JAK2: variants seen among roughly 807,000 people sequenced by gnomAD.
JAK2 encodes the protein Janus kinase 2, also known as tyrosine-protein kinase JAK2.
Under a neutral mutation model 139.3 loss-of-function variants are expected in JAK2, and 86 were observed. The ratio of observed to expected loss-of-function variants is 0.62; its 90% CI spans 0.52 to 0.74. The LOEUF (loss-of-function observed/expected upper bound fraction) is 0.74, where lower values mean the gene tolerates loss of function less well. Among genes scored for constraint, JAK2 ranks in the 30% least tolerant of loss-of-function variants. JAK2 has a pLI of 0.00. For missense variants in JAK2, 1,421 were observed against 1,360.3 expected, an observed-to-expected ratio of 1.04 and a Z score of -0.70; for synonymous variants, 490 against 437.7, an observed-to-expected ratio of 1.12 and a Z score of -1.49.
At chr9:5,110,673 C>A (rs1822401519) in intron 22 of JAK2, 1 of 311,000 alleles carries the variant, frequency 3.2e-6, no homozygotes, top group Non-Finnish European at 6.4e-6. Context: ...TGTCATATAC[C>A]AACGCCTGAG....
intron 2 of JAK2, among the ~76,000 whole-genome samples, chr9:4,986,472 T>G (rs1437949746): frequency 6.6e-6 from 1 of 152,244 alleles, no homozygotes; most frequent in Non-Finnish European, 1.5e-5. Context: ...TTACCCAGTT[T>G]GTTTTCCAGT....
intron 16 of JAK2, 26 bp downstream of exon 16, chr9:5,078,470 A>G: frequency 1.3e-6 from 2 of 1,584,364 alleles, no homozygotes; most frequent in Non-Finnish European, 1.7e-6. Context: ...ATTATATATA[A>G]TGTTACTAAG....
At chr9:5,085,812 A>G (rs1461775928) in intron 19 of JAK2, 12 of 758,810 alleles carry the variant, frequency 1.6e-5, no homozygotes, top group South Asian at 4.1e-5. Flanking sequence ...TAGTACCACA[A>G]TAATTGATCG....
At chr9:5,055,564 T>C in intron 7 of JAK2, 105 bp from the exon 8 acceptor site, 2 of 907,300 alleles carry the variant, frequency 2.2e-6, no homozygotes. Flanking sequence ...ATCAATACCT[T>C]TTTTATTTTA....
chr9:5,068,818 T>C (rs1818746308), intron 10 of JAK2, among the ~76,000 whole-genome samples: 1 of 152,226 alleles, frequency 6.6e-6, no homozygotes, highest in Non-Finnish European at 1.5e-5. Context: ...TAAAATCAAC[T>C]TTTAAACCAC....
intron 22 of JAK2, chr9:5,114,365 C>G: frequency 1.9e-6 from 1 of 532,298 alleles, no homozygotes. Context: ...AGTGCAATGG[C>G]ACGTTCACCA....
chr9:5,105,603 C>T (rs976648119), intron 22 of JAK2, among the ~76,000 whole-genome samples: 1 of 152,078 alleles, frequency 6.6e-6, no homozygotes, highest in Non-Finnish European at 1.5e-5. Flanking sequence ...GCCTGCATTG[C>T]CAAGACCATC....
At chr9:5,053,329 T>C (rs1460851824) in intron 6 of JAK2, among the ~76,000 whole-genome samples, 1 of 152,104 alleles carries the variant, frequency 6.6e-6, no homozygotes, top group Non-Finnish European at 1.5e-5. Context: ...GTTATTTGTC[T>C]TTTAATTATT....
chr9:5,037,580 C>A (rs1816150353), intron 4 of JAK2, among the ~76,000 whole-genome samples: 1 of 152,118 alleles, frequency 6.6e-6, no homozygotes, highest in Non-Finnish European at 1.5e-5. Context: ...AGCTGGAAAC[C>A]ATCATTCTCA....
At chr9:5,042,991 G>A (rs1475014069) in intron 4 of JAK2, among the ~76,000 whole-genome samples, 1 of 152,214 alleles carries the variant, frequency 6.6e-6, no homozygotes, top group South Asian at 2.1e-4. Flanking sequence ...GCTGAGGGGG[G>A]TGGGCCGGCT....
intron 2 of JAK2, among the ~76,000 whole-genome samples, chr9:5,009,173 C>T (rs1434774966): frequency 6.6e-6 from 1 of 152,148 alleles, no homozygotes; most frequent in East Asian, 1.9e-4. Context: ...AATGGATGAG[C>T]AAATTGGGTG....
chr9:5,035,139 T>G (rs1025667833), intron 4 of JAK2, among the ~76,000 whole-genome samples: 3 of 152,148 alleles, frequency 2.0e-5, no homozygotes, highest in African/African-American at 4.8e-5. Context: ...CTAGAATAAA[T>G]GGATAAATTC....
rs115176278 is a variant in JAK2, at chr9:5,114,231, C to T, written c.3060-8773C>T. On this transcript the variant is annotated intron_variant, in intron 22 of 24. Coordinates refer to ENST00000381652, the MANE Select transcript of JAK2 (RefSeq NM_004972.4). ...GTCCAGCCCCTTCTACCTGTTCATCCGCAAGTTGCCCACAATCACCTGTCT... is the reference window on the plus strand; with the variant it reads ...GTCCAGCCCCTTCTACCTGTTCATCTGCAAGTTGCCCACAATCACCTGTCT... 1,246 of 522,768 alleles carry T rather than the reference C, an allele frequency of 2.4e-3. 16 individuals are homozygous for T. Among genetic ancestry groups the T allele is most frequent in the African/African-American group, 0.022 (1,172 of 52,494 alleles). 32.4% of individuals were successfully genotyped at this position (522,768 alleles called of 1,614,324 possible). A position where few individuals can be genotyped will look rare whatever the true frequency, so the allele number is the denominator to read the frequency against.
intron 2 of JAK2, among the ~76,000 whole-genome samples, chr9:5,000,839 G>A (rs1179428833): frequency 6.6e-6 from 1 of 152,174 alleles, no homozygotes; most frequent in Non-Finnish European, 1.5e-5. Flanking sequence ...ATAAATATCA[G>A]GTAAGAACTT....
chr9:5,029,681 A>G (rs192467726), intron 3 of JAK2, 102 bp from the exon 4 acceptor site: 51 of 1,073,746 alleles, frequency 4.7e-5, no homozygotes, highest in Admixed American at 2.4e-4. Context: ...TTTTGTTCCG[A>G]TTTTAAGAGT....
chr9:5,040,959 T>A, intron 4 of JAK2: 1 of 535,446 alleles, frequency 1.9e-6, no homozygotes, highest in South Asian at 1.6e-5. Context: ...AGAATCTCTA[T>A]ACAAACAAAT....
chr9:5,088,207 C>T (rs1288261966), intron 19 of JAK2, among the ~76,000 whole-genome samples: 1 of 152,154 alleles, frequency 6.6e-6, no homozygotes, highest in Admixed American at 6.5e-5. Flanking sequence ...TAGTTCCAAT[C>T]TGACTTGAGA....
At chr9:4,996,549 A>G (rs1217857711) in intron 2 of JAK2, among the ~76,000 whole-genome samples, 1 of 151,556 alleles carries the variant, frequency 6.6e-6, no homozygotes, top group Non-Finnish European at 1.5e-5. Context: ...TAAATACATG[A>G]GGTATTGTAG....
At chr9:5,118,084 A>G (rs1823341963) in intron 22 of JAK2, among the ~76,000 whole-genome samples, 1 of 152,152 alleles carries the variant, frequency 6.6e-6, no homozygotes, top group Non-Finnish European at 1.5e-5. Flanking sequence ...TGTCCAACTG[A>G]ATCTAAATAG....
Sources: allele counts gnomAD v4.1 joint callset (sites outside exome capture counted in the v4.1 genomes callset), GRCh38; gene constraint gnomAD v4.1.1; transcripts MANE v1.5; gene names NCBI Gene and HGNC (gene_info 2026-07-23, HGNC 2026-07-21).